LHPP: variants seen among roughly 807,000 people sequenced by gnomAD.
LHPP encodes phospholysine phosphohistidine inorganic pyrophosphate phosphatase.
In LHPP, 24 loss-of-function variants were observed where a neutral mutation model predicts 30.3. The observed-to-expected ratio is 0.79, with a 90% CI of 0.57 to 1.11. The LOEUF (loss-of-function observed/expected upper bound fraction) is 1.11, where lower values mean the gene tolerates loss of function less well. LHPP is among the 50% of genes most tolerant of loss of function. The pLI is 0.00. For synonymous variants in LHPP, 150 were observed against 157.1 expected (o/e 0.95, Z 0.34); for missense variants, 356 against 367.2 (o/e 0.97, Z 0.25).
chr10:124,561,036 C>G (rs1311406374), intron 6 of LHPP, among the ~76,000 whole-genome samples: 1 of 152,156 alleles, frequency 6.6e-6, no homozygotes, highest in Non-Finnish European at 1.5e-5. Context: ...ACCTCAGGAC[C>G]TGGGGATCAG....
chr10:124,470,435 A>C (rs1952694669), intron 1 of LHPP, among the ~76,000 whole-genome samples: 2 of 152,100 alleles, frequency 1.3e-5, no homozygotes, highest in Non-Finnish European at 2.9e-5. Flanking sequence ...CCTTCCGTCC[A>C]GTAGCACCTC....
At chr10:124,564,645 G>A (rs986364124) in intron 6 of LHPP, among the ~76,000 whole-genome samples, 1 of 152,112 alleles carries the variant, frequency 6.6e-6, no homozygotes, top group Non-Finnish European at 1.5e-5. Flanking sequence ...ATGAGTATTC[G>A]GAGCATAAGC....
At chr10:124,535,966 A>G (rs373169962) in intron 6 of LHPP, among the ~76,000 whole-genome samples, 16 of 152,330 alleles carry the variant, frequency 1.1e-4, no homozygotes, top group African/African-American at 3.1e-4. Flanking sequence ...AGAAGCTCTC[A>G]TCTCTTCCGG....
At chr10:124,501,550 C>T (rs1284802952) in intron 5 of LHPP, among the ~76,000 whole-genome samples, 2 of 148,408 alleles carry the variant, frequency 1.3e-5, no homozygotes, top group South Asian at 2.1e-4. Flanking sequence ...TGCAGTGAGC[C>T]GAGATCGTGC....
rs1447940497 is a variant in LHPP, at chr10:124,611,037, C to CGGGTGA, written c.717-2222_717-2221insAGGGTG. ...GGTGCGGGTGAGGGTGCTGATGGAGCGGGTGCGGGTGAGGGGGCCGCATAC... is the reference window on the plus strand; with the variant it reads ...GGTGCGGGTGAGGGTGCTGATGGAGCGGGTGAGGGTGCGGGTGAGGGGGCCGCATAC... On this transcript the variant is annotated intron_variant, in intron 6 of 6. Coordinates refer to ENST00000368842, the MANE Select transcript of LHPP (RefSeq NM_022126.4). Among the ~76,000 whole-genome samples the CGGGTGA allele has an allele frequency of 5.9e-5, 8 of 135,550 alleles. 1 individual carries two copies. Among genetic ancestry groups the CGGGTGA allele is most frequent in the African/African-American group, 2.5e-4 (8 of 31,788 alleles). 88.9% of individuals were successfully genotyped at this position (135,550 alleles called of 152,430 possible). A position where few individuals can be genotyped will look rare whatever the true frequency, so the allele number is the denominator to read the frequency against.
chr10:124,571,298 C>T lies in LHPP; in HGVS notation c.717-41966C>T, dbSNP rs559501381. Among the ~76,000 whole-genome samples, 60 of 152,296 alleles carry T rather than the reference C, an allele frequency of 3.9e-4. 1 individual carries two copies. Among genetic ancestry groups the T allele is most frequent in the African/African-American group, 1.4e-3 (57 of 41,538 alleles). On this transcript the variant is annotated intron_variant, in intron 6 of 6. Coordinates refer to ENST00000368842, the MANE Select transcript of LHPP (RefSeq NM_022126.4). ...TAATGTATAGGTTTTTGTGTGGACA[C>T]GTTTCCAGTTGTCTTGGATATATAC...
intron 6 of LHPP, among the ~76,000 whole-genome samples, chr10:124,531,140 C>T (rs1342692916): frequency 6.6e-6 from 1 of 152,234 alleles, no homozygotes; most frequent in Non-Finnish European, 1.5e-5. Flanking sequence ...TGCCTGGATC[C>T]TGCCATATCC....
rs137893265 is a variant in LHPP, at chr10:124,590,357, C to T, written c.717-22907C>T. Among the ~76,000 whole-genome samples, 2 of 152,190 alleles carry T rather than the reference C, an allele frequency of 1.3e-5. No homozygotes were observed. The highest frequency in any genetic ancestry group is 4.1e-4 in the South Asian group (2 of 4,822). On this transcript the variant is annotated intron_variant, in intron 6 of 6. Coordinates refer to ENST00000368842, the MANE Select transcript of LHPP (RefSeq NM_022126.4). The surrounding 1 kb of genome is among the most constrained non-coding windows in gnomAD (Gnocchi z 4.3). ...GCTGGAACCCTCCGCACGAGGGCAACCTTTCTTGGGCTCTGAAGGCGCCTC... is the reference window on the plus strand; with the variant it reads ...GCTGGAACCCTCCGCACGAGGGCAATCTTTCTTGGGCTCTGAAGGCGCCTC...
At chr10:124,472,757 T>C (rs1184584896) in intron 1 of LHPP, among the ~76,000 whole-genome samples, 3 of 152,212 alleles carry the variant, frequency 2.0e-5, no homozygotes, top group South Asian at 2.1e-4. Context: ...GGAGTTTCAC[T>C]ATGTTGACCA....
rs150857696 is a variant in LHPP, at chr10:124,486,141, C to T, written c.313+1815C>T. Among the ~76,000 whole-genome samples the T allele has an allele frequency of 5.2e-3, 796 of 152,256 alleles. 9 individuals are homozygous for T. The highest frequency in any genetic ancestry group is 0.018 in the African/African-American group (734 of 41,540). ...ATTTACATACAATGAAATGTACACA[C>T]GTCAAGTGTACTTTTGCTGAGTTTT... On this transcript the variant is annotated intron_variant, in intron 2 of 6. Transcript: ENST00000368842.
rs114538504 is a variant in LHPP at position 124,516,932 on chromosome 10, G to A, written c.625-248G>A. On this transcript the variant is annotated intron_variant, in intron 5 of 6. Coordinates refer to ENST00000368842, the MANE Select transcript of LHPP (RefSeq NM_022126.4). ...CCTTGGGGCGCCAAATCACTTTGAC[G>A]TCTGCTGATTGATTTCAAATTGCAC... is the stretch of plus-strand genomic sequence containing the variant. 4.2e-3 allele frequency among the ~76,000 whole-genome samples: 646 copies of A among 152,238 alleles called. 5 individuals are homozygous for A. The highest frequency in any genetic ancestry group is 0.015 in the African/African-American group (617 of 41,530).
At chr10:124,612,939 C>G in intron 6 of LHPP, 1 of 399,944 alleles carries the variant, frequency 2.5e-6, no homozygotes, top group South Asian at 2.6e-5. Context: ...ACTCATGTCC[C>G]CACCATCCAA....
At chr10:124,553,749 A>G (rs542822772) in intron 6 of LHPP, among the ~76,000 whole-genome samples, 12 of 152,190 alleles carry the variant, frequency 7.9e-5, no homozygotes, top group Middle Eastern at 3.4e-3. Context: ...GTGAGCCACC[A>G]CGCCCGGCCT....
At chr10:124,557,580 C>T (rs1263714169) in intron 6 of LHPP, among the ~76,000 whole-genome samples, 1 of 152,216 alleles carries the variant, frequency 6.6e-6, no homozygotes, top group Non-Finnish European at 1.5e-5. Flanking sequence ...TGATTTTTGT[C>T]TCAGAGTAAA....
At chr10:124,547,132 G>A (rs1030227736) in intron 6 of LHPP, among the ~76,000 whole-genome samples, 30 of 152,100 alleles carry the variant, frequency 2.0e-4, no homozygotes, top group African/African-American at 6.0e-4. Flanking sequence ...TTCATGGTGC[G>A]TCCCAGATAC....
In LHPP at chr10:124,510,575, C is replaced by A. The variant is rs758242352; in HGVS notation, c.625-6605C>A. Reference sequence around the variant, plus strand: ...TCCGTGGGCCACATCCACAAATGTTCCAGCCCAGGAAGAACCAAGTCTGTA... The same window carrying A: ...TCCGTGGGCCACATCCACAAATGTTACAGCCCAGGAAGAACCAAGTCTGTA... On this transcript the variant is annotated intron_variant, in intron 5 of 6. Transcript: ENST00000368842. This position sits in a 1 kb window ranked among gnomAD's most constrained non-coding sequence, Gnocchi z 4.0. Among the ~76,000 whole-genome samples, 3 of 152,252 alleles carry A rather than the reference C, an allele frequency of 2.0e-5. No homozygotes were observed. The highest frequency in any genetic ancestry group is 4.4e-5 in the Non-Finnish European group (3 of 68,044).
intron 6 of LHPP, among the ~76,000 whole-genome samples, chr10:124,574,553 G>C (rs1948633385): frequency 6.6e-6 from 1 of 152,162 alleles, no homozygotes; most frequent in South Asian, 2.1e-4. Flanking sequence ...GGGCCGATCT[G>C]AACCCGGCAC....
At chr10:124,509,384 G>A (rs1564799772) in intron 5 of LHPP, among the ~76,000 whole-genome samples, 1 of 152,092 alleles carries the variant, frequency 6.6e-6, no homozygotes, top group Non-Finnish European at 1.5e-5. Context: ...AACACATCTT[G>A]TATGTACATC....
intron 6 of LHPP, among the ~76,000 whole-genome samples, chr10:124,547,969 G>A (rs12411930): frequency 0.25 from 38,751 of 152,134 alleles, 7,448 homozygotes; most frequent in African/African-American, 0.52. Flanking sequence ...CCCGCCCACC[G>A]CCTGATGCCC....
Sources: gnomAD v4.1 joint callset for allele counts (sites outside exome capture counted in the v4.1 genomes callset) on GRCh38, gnomAD v4.1.1 for gene constraint, Gnocchi (gnomAD v3.1) non-coding constraint, MANE v1.5 for transcripts, NCBI Gene and HGNC (gene_info 2026-07-23, HGNC 2026-07-21) for gene names.